Variants in DOK6 observed in about 807,000 individuals in gnomAD.
DOK6 encodes downstream of tyrosine kinase 6.
A neutral mutation model predicts 44.0 loss-of-function variants in DOK6; 22 were observed. The ratio of observed to expected loss-of-function variants is 0.50; its 90% CI spans 0.36 to 0.71. The LOEUF (loss-of-function observed/expected upper bound fraction) is 0.71. Among genes scored for constraint, DOK6 ranks in the 30% least tolerant of loss-of-function variants. The pLI is 0.00. For synonymous variants in DOK6, 166 were observed against 145.5 expected, an observed-to-expected ratio of 1.14 and a Z score of -1.01; for missense variants, 340 against 416.4, an observed-to-expected ratio of 0.82 and a Z score of 1.60.
At chr18:69,692,508 A>G (rs895919245) in intron 4 of DOK6, among the ~76,000 whole-genome samples, 3 of 152,248 alleles carry the variant, frequency 2.0e-5, no homozygotes, top group African/African-American at 7.2e-5. Context: ...ATCACGTGAT[A>G]TTTTGAAACA....
Position 69,843,191 on chromosome 18 carries a change from C to A in DOK6, c.*1808C>A, listed in dbSNP as rs1427468753. ...GGCTGCAAAAAATAATTATCCTAAG[C>A]TTTCAGGGATAAAAAGAAAATTACC... On this transcript the variant is annotated 3_prime_UTR_variant, in exon 8 of 8. Coordinates refer to ENST00000382713, the MANE Select transcript of DOK6 (RefSeq NM_152721.6). 1 of 152,148 alleles carries A rather than the reference C, an allele frequency of 6.6e-6. No individual in the cohort carries two copies. The highest frequency in any genetic ancestry group is 1.5e-5 in the Non-Finnish European group (1 of 68,026). The allele number at this position is 152,148 out of a possible 1,614,324, so 9.4% of individuals were successfully genotyped here. A position where few individuals can be genotyped will look rare whatever the true frequency, so the allele number is the denominator to read the frequency against.
chr18:69,461,881 C>T (rs1979797744), intron 1 of DOK6, among the ~76,000 whole-genome samples: 1 of 152,162 alleles, frequency 6.6e-6, no homozygotes, highest in Non-Finnish European at 1.5e-5. Flanking sequence ...TCTTGTAAAA[C>T]TCCAGTTTGT....
At chr18:69,510,842 CTCATCATCTTTG>C (rs1216076365) in intron 1 of DOK6, among the ~76,000 whole-genome samples, 4 of 151,978 alleles carry the variant, frequency 2.6e-5, no homozygotes, top group Non-Finnish European at 4.4e-5. Flanking sequence ...TGCTCATTTC[CTCATCATCTTTG>C]TCTTCATCTT....
chr18:69,834,456 T>A (rs1309280475), intron 7 of DOK6, among the ~76,000 whole-genome samples: 4 of 152,198 alleles, frequency 2.6e-5, no homozygotes, highest in Non-Finnish European at 4.4e-5. Context: ...AGTTTCAGTA[T>A]TCCATAGTAT....
intron 4 of DOK6, among the ~76,000 whole-genome samples, chr18:69,696,522 GA>G (rs1986392572): frequency 6.6e-6 from 1 of 152,124 alleles, no homozygotes; most frequent in African/African-American, 2.4e-5. Context: ...TGATGGAAAG[GA>G]AAAAATGTAA....
chr18:69,432,883 A>G (rs547706715), intron 1 of DOK6, among the ~76,000 whole-genome samples: 15 of 152,310 alleles, frequency 9.8e-5, no homozygotes, highest in Non-Finnish European at 2.2e-4. Context: ...TAAGCTAAGG[A>G]GTTGCCCCCT....
chr18:69,435,925 T>C (rs1978963110), intron 1 of DOK6, among the ~76,000 whole-genome samples: 3 of 152,090 alleles, frequency 2.0e-5, no homozygotes, highest in Admixed American at 2.0e-4. Flanking sequence ...TTTAAGATAA[T>C]ATCCCTTTAT....
chr18:69,667,916 C>T (rs1156834746), intron 3 of DOK6, among the ~76,000 whole-genome samples: 4 of 152,194 alleles, frequency 2.6e-5, no homozygotes, highest in South Asian at 2.1e-4. Context: ...GAATACCAAG[C>T]TCATATAGTG....
At chr18:69,696,244 T>A (rs1986386841) in intron 4 of DOK6, among the ~76,000 whole-genome samples, 1 of 152,180 alleles carries the variant, frequency 6.6e-6, no homozygotes, top group Non-Finnish European at 1.5e-5. Context: ...ACACAAACAT[T>A]TCAGTGAAAA....
rs1178665751 is a variant in DOK6 at position 69,844,115 on chromosome 18, G to A, written c.*2732G>A. On this transcript the variant is annotated 3_prime_UTR_variant, in exon 8 of 8. Coordinates refer to ENST00000382713, the MANE Select transcript of DOK6 (RefSeq NM_152721.6). ...TCATGGAGATGTATACCACTCGCTT[G>A]GGCTCGTAGGTTTTTGACTGGGGAT... 6.6e-6 allele frequency: 1 copy of A among 152,150 alleles called. No individual in the cohort carries two copies. Among genetic ancestry groups the A allele is most frequent in the African/African-American group, 2.4e-5 (1 of 41,422 alleles). The allele number at this position is 152,150 out of a possible 1,614,324, so 9.4% of individuals were successfully genotyped here.
chr18:69,473,925 A>G (rs546876267), intron 1 of DOK6, among the ~76,000 whole-genome samples: 3 of 152,054 alleles, frequency 2.0e-5, no homozygotes, highest in African/African-American at 7.2e-5. Flanking sequence ...TCACAGCCCT[A>G]TTGGAAGTGC....
chr18:69,599,615 G>A, intron 3 of DOK6, 117 bp downstream of exon 3: 2 of 715,062 alleles, frequency 2.8e-6, no homozygotes, highest in East Asian at 2.8e-5. Context: ...AGAATGTGCT[G>A]TAGAAGACTT....
intron 2 of DOK6, among the ~76,000 whole-genome samples, chr18:69,593,740 A>G (rs551326311): frequency 6.2e-4 from 94 of 152,290 alleles, no homozygotes; most frequent in African/African-American, 2.2e-3. Flanking sequence ...AGAAATCACA[A>G]TATCTGTTCT....
intron 1 of DOK6, among the ~76,000 whole-genome samples, chr18:69,427,614 C>G (rs942152306): frequency 6.6e-6 from 1 of 152,090 alleles, no homozygotes; most frequent in African/African-American, 2.4e-5. Flanking sequence ...GGTATATGCC[C>G]GAAGGAATAC....
intron 1 of DOK6, among the ~76,000 whole-genome samples, chr18:69,478,540 C>T (rs780433955): frequency 3.9e-5 from 6 of 152,136 alleles, no homozygotes; most frequent in African/African-American, 9.7e-5. Context: ...ACTACAACCT[C>T]CTCAGTCAAT....
Position 69,517,888 on chromosome 18 carries a change from T to C in DOK6, c.67-46599T>C, listed in dbSNP as rs1981576431. On this transcript the variant is annotated intron_variant, in intron 1 of 7. Transcript: ENST00000382713. Reference sequence around the variant, plus strand: ...TAATCTTTGCAGGTGCTGTTTACCTTGTAGGCTAGATTTTCTCTACATCAA... The same window carrying C: ...TAATCTTTGCAGGTGCTGTTTACCTCGTAGGCTAGATTTTCTCTACATCAA... Among the ~76,000 whole-genome samples the C allele has an allele frequency of 2.0e-5, 3 of 152,280 alleles. No individual in the cohort carries two copies. In the East Asian group the frequency reaches 5.8e-4, roughly 29 times the overall value.
At chr18:69,506,228 G>A (rs1981182603) in intron 1 of DOK6, among the ~76,000 whole-genome samples, 1 of 152,072 alleles carries the variant, frequency 6.6e-6, no homozygotes. Flanking sequence ...ATCACTCAGG[G>A]ACAGGACATT....
At chr18:69,629,670 AT>A (rs1391561913) in intron 3 of DOK6, among the ~76,000 whole-genome samples, 1 of 152,086 alleles carries the variant, frequency 6.6e-6, no homozygotes, top group Non-Finnish European at 1.5e-5. Context: ...CAGGCTGATC[AT>A]TTCCACCCTG....
intron 5 of DOK6, among the ~76,000 whole-genome samples, chr18:69,701,521 T>C (rs1405104900): frequency 6.6e-6 from 1 of 152,208 alleles, no homozygotes; most frequent in East Asian, 1.9e-4. Flanking sequence ...ACATTTTTAC[T>C]TCATGTTACC....
Sources: allele counts gnomAD v4.1 joint callset (sites outside exome capture counted in the v4.1 genomes callset), GRCh38; gene constraint gnomAD v4.1.1; transcripts MANE v1.5; gene names NCBI Gene and HGNC (gene_info 2026-07-23, HGNC 2026-07-21).